Variants in GALNT17 observed in about 807,000 individuals in gnomAD.
GALNT17 encodes polypeptide N-acetylgalactosaminyltransferase 17, also known as UDP-GalNAc:polypeptide N-acetylgalactosaminyltransferase-like 3.
A neutral mutation model predicts 63.7 loss-of-function variants in GALNT17; 29 were observed. The ratio of observed to expected loss-of-function variants is 0.46; its 90% CI spans 0.34 to 0.62. The LOEUF (loss-of-function observed/expected upper bound fraction) is 0.62. GALNT17 is among the 20% of genes least tolerant of loss of function. The pLI is 0.01. For synonymous variants in GALNT17, 305 were observed against 318.3 expected (o/e 0.96, Z 0.45); for missense variants, 603 against 799.6 (o/e 0.75, Z 2.97).
chr7:71,467,302 C>A (rs1003478276), intron 5 of GALNT17, among the ~76,000 whole-genome samples: 2 of 152,174 alleles, frequency 1.3e-5, no homozygotes, highest in Non-Finnish European at 2.9e-5. Context: ...CCACATGTCT[C>A]TGTTTCATTT....
At position 71,442,147 on chromosome 7, in the gene GALNT17, A is replaced by AT. The variant is rs956574648; in HGVS notation, c.962+21049dup. 4.1e-4 allele frequency among the ~76,000 whole-genome samples: 63 copies of AT among 152,050 alleles called. No homozygotes were observed. In the Middle Eastern group the frequency reaches 0.01, roughly 25 times the overall value. On this transcript the variant is annotated intron_variant, in intron 5 of 10. Coordinates refer to ENST00000333538, the MANE Select transcript of GALNT17 (RefSeq NM_022479.3). ...TTCTCCCCAACCTCATCAGCAAGTT[A>AT]TTTTTTTGACTTTTTCATAATAGCC...
At chr7:71,289,063 G>A (rs1360571680) in intron 1 of GALNT17, among the ~76,000 whole-genome samples, 3 of 151,990 alleles carry the variant, frequency 2.0e-5, no homozygotes, top group African/African-American at 7.3e-5. Flanking sequence ...GCAGTACAGG[G>A]GTTGCAGGTA....
In GALNT17 at chr7:71,224,056, C is replaced by CATTTTT. The variant is rs557964484; in HGVS notation, c.238+91032_238+91037dup. ...GAAGCAGAGAAGCAGGTGTTCAATACATTTTTATTTTTATTTTTATTGTTT... is the reference window on the plus strand; with the variant it reads ...GAAGCAGAGAAGCAGGTGTTCAATACATTTTTATTTTTATTTTTATTTTTATTGTTT... On this transcript the variant is annotated intron_variant, in intron 1 of 10. Transcript: ENST00000333538. 8.5e-5 allele frequency among the ~76,000 whole-genome samples: 13 copies of CATTTTT among 152,104 alleles called. No individual in the cohort carries two copies. The South Asian group carries it at 2.1e-3, about 24-fold the overall frequency.
At chr7:71,610,091 A>AAAATTTAC (rs1790102856) in intron 6 of GALNT17, among the ~76,000 whole-genome samples, 1 of 152,172 alleles carries the variant, frequency 6.6e-6, no homozygotes, top group African/African-American at 2.4e-5. Flanking sequence ...TAAAAAGTAG[A>AAAATTTAC]AAATTTACAG....
chr7:71,655,282 CA>C (rs1562724463), intron 6 of GALNT17, among the ~76,000 whole-genome samples: 1 of 151,886 alleles, frequency 6.6e-6, no homozygotes, highest in Non-Finnish European at 1.5e-5. Context: ...GAAAAAGATT[CA>C]AAAAACTTTC....
chr7:71,390,005 CT>C (rs1291319782), intron 3 of GALNT17, among the ~76,000 whole-genome samples: 1 of 152,126 alleles, frequency 6.6e-6, no homozygotes, highest in African/African-American at 2.4e-5. Flanking sequence ...CTGATGGTGC[CT>C]TTGTGTTGGA....
chr7:71,415,498 G>A (rs909183148), intron 3 of GALNT17, among the ~76,000 whole-genome samples: 2 of 152,102 alleles, frequency 1.3e-5, no homozygotes, highest in Admixed American at 6.5e-5. Context: ...GGCACGTACT[G>A]TAAGAACGAG....
chr7:71,414,793 C>G (rs879692171), intron 3 of GALNT17, among the ~76,000 whole-genome samples: 1 of 152,172 alleles, frequency 6.6e-6, no homozygotes, highest in African/African-American at 2.4e-5. Context: ...CAGTCACAAG[C>G]CAACCCTGGT....
At chr7:71,204,201 A>G (rs933192748) in intron 1 of GALNT17, among the ~76,000 whole-genome samples, 2 of 152,030 alleles carry the variant, frequency 1.3e-5, no homozygotes, top group Admixed American at 6.6e-5. Context: ...TTGTAAATGC[A>G]TTGACTGTTA....
intron 6 of GALNT17, among the ~76,000 whole-genome samples, chr7:71,616,336 C>G (rs1293238248): frequency 1.3e-5 from 2 of 151,906 alleles, no homozygotes; most frequent in Non-Finnish European, 2.9e-5. Flanking sequence ...CTCACTCGCT[C>G]CTCAACCTCA....
At chr7:71,567,510 G>A (rs1056931580) in intron 5 of GALNT17, among the ~76,000 whole-genome samples, 8 of 152,220 alleles carry the variant, frequency 5.3e-5, no homozygotes, top group Admixed American at 2.6e-4. Flanking sequence ...TGTCACCCAG[G>A]CTGGAGTGCA....
chr7:71,443,975 C>T (rs1217210306), intron 5 of GALNT17, among the ~76,000 whole-genome samples: 3 of 152,166 alleles, frequency 2.0e-5, no homozygotes, highest in Non-Finnish European at 2.9e-5. Flanking sequence ...GATCTGCCCG[C>T]CTTGGCCTCC....
chr7:71,265,192 T>A (rs898180722), intron 1 of GALNT17, among the ~76,000 whole-genome samples: 7 of 141,340 alleles, frequency 5.0e-5, no homozygotes, highest in Non-Finnish European at 7.6e-5. Context: ...AGTGGCGCGA[T>A]CTTGGCTCAC....
At chr7:71,459,201 ACT>A (rs1563108850) in intron 5 of GALNT17, among the ~76,000 whole-genome samples, 2 of 152,052 alleles carry the variant, frequency 1.3e-5, no homozygotes, top group Non-Finnish European at 2.9e-5. Flanking sequence ...GTTCAGAATG[ACT>A]CTGGGGCTAC....
chr7:71,252,855 G>T (rs62457808), intron 1 of GALNT17, among the ~76,000 whole-genome samples: 53,709 of 151,972 alleles, frequency 0.35, 10,600 homozygotes, highest in South Asian at 0.61. Flanking sequence ...GAAATTCTTT[G>T]TGGGCTCCAA....
At chr7:71,256,313 T>G (rs571863591) in intron 1 of GALNT17, among the ~76,000 whole-genome samples, 13 of 152,366 alleles carry the variant, frequency 8.5e-5, no homozygotes, top group African/African-American at 3.1e-4. Context: ...GGCTCACACC[T>G]GTCATCCCAG....
At chr7:71,369,249 A>G (rs1016386838) in intron 2 of GALNT17, among the ~76,000 whole-genome samples, 2 of 152,202 alleles carry the variant, frequency 1.3e-5, no homozygotes, top group African/African-American at 2.4e-5. Flanking sequence ...ATGTCAGTAG[A>G]TATATCAGCC....
intron 1 of GALNT17, among the ~76,000 whole-genome samples, chr7:71,267,738 G>A (rs935438999): frequency 6.6e-6 from 1 of 152,006 alleles, no homozygotes; most frequent in Non-Finnish European, 1.5e-5. Flanking sequence ...GGAGGTACAG[G>A]TTTGTTGTAC....
chr7:71,659,648 G>A (rs192980797), intron 6 of GALNT17, among the ~76,000 whole-genome samples: 44 of 152,346 alleles, frequency 2.9e-4, no homozygotes, highest in Non-Finnish European at 6.2e-4. Flanking sequence ...GTTAATCAGT[G>A]CAAGTCATAA....
Sources: allele counts gnomAD v4.1 joint callset (sites outside exome capture counted in the v4.1 genomes callset), GRCh38; gene constraint gnomAD v4.1.1; transcripts MANE v1.5; gene names NCBI Gene and HGNC (gene_info 2026-07-23, HGNC 2026-07-21).